Variants in TBCK observed in about 807,000 individuals in gnomAD.
TBCK encodes TBC1 domain containing kinase, also known as TBC domain-containing protein kinase-like protein.
Under a neutral mutation model 113.4 loss-of-function variants are expected in TBCK, and 99 were observed. The ratio of observed to expected loss-of-function variants is 0.87; its 90% CI spans 0.74 to 1.03. The LOEUF (loss-of-function observed/expected upper bound fraction) is 1.03, where lower values mean the gene tolerates loss of function less well. Among genes scored for constraint, TBCK ranks in the 50% least tolerant of loss-of-function variants. The pLI, the probability that TBCK is intolerant of heterozygous loss-of-function variation, is 0.00. For synonymous variants in TBCK, 369 were observed against 370.8 expected, an observed-to-expected ratio of 1.00 and a Z score of 0.05; for missense variants, 1,045 against 1,061.3, an observed-to-expected ratio of 0.98 and a Z score of 0.21.
chr4:106,177,632 G>A (rs1751841562), intron 22 of TBCK, among the ~76,000 whole-genome samples: 1 of 151,926 alleles, frequency 6.6e-6, no homozygotes. Context: ...TCAAAAGTAA[G>A]TTGGCTGTAA....
chr4:106,160,550 A>G (rs1276718939), intron 23 of TBCK, among the ~76,000 whole-genome samples: 1 of 151,954 alleles, frequency 6.6e-6, no homozygotes, highest in Non-Finnish European at 1.5e-5. Context: ...AACTACAATG[A>G]GATTCCACTG....
chr4:106,254,755 A>G (rs377429271), intron 5 of TBCK, among the ~76,000 whole-genome samples: 6 of 152,078 alleles, frequency 3.9e-5, no homozygotes, highest in Non-Finnish European at 7.4e-5. Context: ...TTTCTCCCCA[A>G]GTAGTGCCAG....
chr4:106,160,395 T>C (rs1749633519), intron 23 of TBCK, among the ~76,000 whole-genome samples: 1 of 151,808 alleles, frequency 6.6e-6, no homozygotes, highest in Admixed American at 6.6e-5. Context: ...ATTGAGAATA[T>C]ATAGAGAACT....
chr4:106,046,737 C>A, intron 25 of TBCK, 57 bp from the exon 26 acceptor site: 1 of 799,146 alleles, frequency 1.3e-6, no homozygotes. Flanking sequence ...TCTCCAACCT[C>A]ATGTTTTTTC....
chr4:106,245,345 G>A (rs1428210584), intron 10 of TBCK, among the ~76,000 whole-genome samples: 1 of 152,090 alleles, frequency 6.6e-6, no homozygotes, highest in African/African-American at 2.4e-5. Context: ...TCTGTCTTCA[G>A]GATAAACCGG....
At chr4:106,142,348 A>G (rs1399170275) in intron 23 of TBCK, among the ~76,000 whole-genome samples, 2 of 152,216 alleles carry the variant, frequency 1.3e-5, no homozygotes, top group Non-Finnish European at 2.9e-5. Context: ...TGCTGCAGAT[A>G]AAAGCTTCTT....
chr4:106,142,339 G>T (rs1747229528), intron 23 of TBCK, among the ~76,000 whole-genome samples: 1 of 152,184 alleles, frequency 6.6e-6, no homozygotes, highest in African/African-American at 2.4e-5. Context: ...ATGTGACAAT[G>T]CTGCAGATAA....
intron 1 of TBCK, among the ~76,000 whole-genome samples, chr4:106,312,476 AAGTGGAGCTTTGCTATATTGCT>A (rs1444409629): frequency 6.6e-6 from 1 of 152,166 alleles, no homozygotes; most frequent in Non-Finnish European, 1.5e-5. Flanking sequence ...GAGAATGTGG[AAGTGGAGCTTTGCTATATTGCT>A]AGTGGGAGCG....
intron 23 of TBCK, among the ~76,000 whole-genome samples, chr4:106,129,396 T>C (rs368833583): frequency 6.6e-6 from 1 of 152,280 alleles, no homozygotes; most frequent in Admixed American, 6.5e-5. Flanking sequence ...CGGTGTTTGG[T>C]TTTCTGTTCC....
chr4:106,119,983 C>G (rs1744055070), intron 23 of TBCK, among the ~76,000 whole-genome samples: 1 of 152,152 alleles, frequency 6.6e-6, no homozygotes, highest in South Asian at 2.1e-4. Context: ...CGAATAGGAA[C>G]AGCTCGGGTC....
intron 11 of TBCK, among the ~76,000 whole-genome samples, chr4:106,244,034 C>T (rs926782334): frequency 6.6e-6 from 1 of 152,104 alleles, no homozygotes; most frequent in African/African-American, 2.4e-5. Context: ...AATTTAGGTT[C>T]ATATTTTTAT....
At chr4:106,252,888 G>A (rs1041642932) in intron 5 of TBCK, among the ~76,000 whole-genome samples, 3 of 152,204 alleles carry the variant, frequency 2.0e-5, no homozygotes, top group African/African-American at 4.8e-5. Flanking sequence ...ACATGAGGGT[G>A]CCTATTTCCT....
chr4:106,100,801 G>A (rs1741464454), intron 24 of TBCK, among the ~76,000 whole-genome samples: 1 of 152,132 alleles, frequency 6.6e-6, no homozygotes, highest in Admixed American at 6.5e-5. Flanking sequence ...ACCTACTCTA[G>A]TTTCATTACT....
At chr4:106,313,016 G>A (rs766781422) in intron 1 of TBCK, among the ~76,000 whole-genome samples, 1 of 152,170 alleles carries the variant, frequency 6.6e-6, no homozygotes, top group Non-Finnish European at 1.5e-5. Context: ...TTTTATGGAT[G>A]AGTACATGCA....
intron 23 of TBCK, among the ~76,000 whole-genome samples, chr4:106,122,799 G>A (rs925227222): frequency 7.9e-5 from 12 of 152,182 alleles, no homozygotes; most frequent in African/African-American, 2.9e-4. Context: ...AATAGATGCA[G>A]AAAAAGCCTT....
rs1488566981 is a variant in TBCK, at chr4:106,110,833, A to C, written c.2411+5370T>G. ...CTGTCTCCAGGAAAAAATAACAAAG[A>C]GGAAATGGAGGTTTTGCCTGAGGCC... On this transcript the variant is annotated intron_variant, in intron 24 of 25. Transcript: ENST00000394708. Among the ~76,000 whole-genome samples, 5 of 152,116 alleles carry C rather than the reference A, an allele frequency of 3.3e-5. No homozygotes were observed. In the East Asian group the frequency reaches 9.7e-4, roughly 29 times the overall value.
chr4:106,298,801 C>G (rs570209172), intron 2 of TBCK, among the ~76,000 whole-genome samples: 94 of 152,238 alleles, frequency 6.2e-4, no homozygotes, highest in African/African-American at 2.2e-3. Flanking sequence ...AAAATTATGA[C>G]CACATTGCAA....
chr4:106,140,170 G>T lies in TBCK; in HGVS notation c.2236-23792C>A, dbSNP rs550371320. ...TGCAATAAAAGGTAATCTAAGACAA[G>T]AAAAAGTATTTGATAAATGGAGTTA... On this transcript the variant is annotated intron_variant, in intron 23 of 25. Coordinates refer to ENST00000394708, the MANE Select transcript of TBCK (RefSeq NM_001163435.3). Among the ~76,000 whole-genome samples, 197 of 140,812 alleles carry T rather than the reference G, an allele frequency of 1.4e-3. 17 individuals carry two copies. Among genetic ancestry groups the T allele is most frequent in the African/African-American group, 4.5e-3 (181 of 40,058 alleles). The allele number at this position is 140,812 out of a possible 152,430, so 92.4% of individuals were successfully genotyped here.
chr4:106,121,597 A>G (rs1344521585), intron 23 of TBCK, among the ~76,000 whole-genome samples: 1 of 151,996 alleles, frequency 6.6e-6, no homozygotes, highest in East Asian at 1.9e-4. Flanking sequence ...CACCACACCT[A>G]TTCCAAAATT....
Sources: allele counts gnomAD v4.1 joint callset (sites outside exome capture counted in the v4.1 genomes callset), GRCh38; gene constraint gnomAD v4.1.1; transcripts MANE v1.5; gene names NCBI Gene and HGNC (gene_info 2026-07-23, HGNC 2026-07-21).